DLGAP1: variants seen among roughly 807,000 people sequenced by gnomAD.
The protein encoded by DLGAP1 is disks large-associated protein 1.
A neutral mutation model predicts 90.8 loss-of-function variants in DLGAP1; 11 were observed. The observed-to-expected ratio is 0.12, with a 90% confidence interval of 0.08 to 0.20. The LOEUF is 0.20. Ranked by LOEUF, DLGAP1 falls within the 10% of genes least tolerant of loss-of-function variation. The pLI is 1.00. For synonymous variants in DLGAP1, 558 were observed against 540.7 expected, an observed-to-expected ratio of 1.03 and a Z score of -0.44; for missense variants, 1,050 against 1,333.8, an observed-to-expected ratio of 0.79 and a Z score of 3.31.
chr18:4,425,450 A>T (rs2083131847), intron 1 of DLGAP1, among the ~76,000 whole-genome samples: 1 of 152,170 alleles, frequency 6.6e-6, no homozygotes, highest in African/African-American at 2.4e-5. Context: ...AGTCATGATG[A>T]CAGGACACAC....
intron 1 of DLGAP1, among the ~76,000 whole-genome samples, chr18:4,180,887 A>T (rs2077196225): frequency 6.6e-6 from 1 of 152,188 alleles, no homozygotes; most frequent in South Asian, 2.1e-4. Flanking sequence ...TGACAACTAC[A>T]AGGGTGTCCA....
Position 3,958,872 on chromosome 18 carries a change from C to T in DLGAP1, c.-73+46244G>A, listed in dbSNP as rs1480420131. Reference sequence around the variant, plus strand: ...TTCCCAAGCAAGTCCTGTGCTTTGACATTTGATGCATTTCTGAAGTGGACT... The same window carrying T: ...TTCCCAAGCAAGTCCTGTGCTTTGATATTTGATGCATTTCTGAAGTGGACT... On this transcript the variant is annotated intron_variant, in intron 3 of 12. Transcript: ENST00000315677. Among the ~76,000 whole-genome samples the T allele has an allele frequency of 2.0e-5, 3 of 152,308 alleles. No individual in the cohort carries two copies. In the East Asian group the frequency reaches 5.8e-4, roughly 29 times the overall value.
At chr18:3,669,315 T>C (rs2059995155) in intron 7 of DLGAP1, among the ~76,000 whole-genome samples, 1 of 151,602 alleles carries the variant, frequency 6.6e-6, no homozygotes, top group Non-Finnish European at 1.5e-5. Context: ...GAGGGCGTGG[T>C]CCCTGGCTAG....
intron 1 of DLGAP1, among the ~76,000 whole-genome samples, chr18:4,189,906 G>A (rs1163355215): frequency 1.3e-5 from 2 of 152,036 alleles, no homozygotes; most frequent in Non-Finnish European, 2.9e-5. Flanking sequence ...TCTAGACACA[G>A]ACCTTAGAAG....
chr18:3,731,941 A>T (rs1598494419), intron 6 of DLGAP1, among the ~76,000 whole-genome samples: 1 of 152,154 alleles, frequency 6.6e-6, no homozygotes, highest in Non-Finnish European at 1.5e-5. Flanking sequence ...GTGCTTAACT[A>T]GTACCCTGAG....
intron 1 of DLGAP1, among the ~76,000 whole-genome samples, chr18:4,319,268 A>T (rs1362295935): frequency 6.6e-6 from 1 of 152,244 alleles, no homozygotes; most frequent in Non-Finnish European, 1.5e-5. Context: ...CACCTCTGGA[A>T]CAAAAGAACA....
chr18:4,235,407 T>C (rs2078387460), intron 1 of DLGAP1, among the ~76,000 whole-genome samples: 1 of 152,162 alleles, frequency 6.6e-6, no homozygotes, highest in African/African-American at 2.4e-5. Flanking sequence ...GAGAGTAACA[T>C]CATATGAACC....
chr18:4,330,279 T>G (rs1181990831), intron 1 of DLGAP1, among the ~76,000 whole-genome samples: 1 of 149,500 alleles, frequency 6.7e-6, no homozygotes, highest in African/African-American at 2.6e-5. Context: ...GGCTAAGGAT[T>G]TGTCAATTTT....
At chr18:4,355,558 T>A (rs1567856733) in intron 1 of DLGAP1, among the ~76,000 whole-genome samples, 1 of 152,022 alleles carries the variant, frequency 6.6e-6, no homozygotes. Context: ...CGTGATAAAA[T>A]TAAATGGAAC....
intron 3 of DLGAP1, among the ~76,000 whole-genome samples, chr18:3,897,818 C>A (rs528625639): frequency 7.9e-6 from 1 of 126,578 alleles, no homozygotes. Flanking sequence ...GACGGAGTCT[C>A]GCTCTGTCGC....
chr18:4,020,648 G>T (rs2074593898), intron 2 of DLGAP1, among the ~76,000 whole-genome samples: 2 of 152,158 alleles, frequency 1.3e-5, no homozygotes, highest in Admixed American at 1.3e-4. Flanking sequence ...AGCTGTCCTT[G>T]TTTATTCCTG....
chr18:4,106,717 T>C (rs1425465438), intron 2 of DLGAP1, among the ~76,000 whole-genome samples: 1 of 152,150 alleles, frequency 6.6e-6, no homozygotes, highest in East Asian at 1.9e-4. Flanking sequence ...TTCAGAAAAG[T>C]TGTACGTAGA....
intron 4 of DLGAP1, among the ~76,000 whole-genome samples, chr18:3,820,179 A>G (rs2067329518): frequency 1.3e-5 from 2 of 152,184 alleles, no homozygotes. Context: ...GTGTGGAGTA[A>G]TGAGAATGCG....
chr18:3,583,518 G>A (rs1341254951), intron 7 of DLGAP1, among the ~76,000 whole-genome samples: 1 of 152,152 alleles, frequency 6.6e-6, no homozygotes, highest in East Asian at 1.9e-4. Flanking sequence ...TACTCACTGA[G>A]AGTATTTACA....
At chr18:3,861,421 C>A (rs974991604) in intron 4 of DLGAP1, among the ~76,000 whole-genome samples, 2 of 151,868 alleles carry the variant, frequency 1.3e-5, no homozygotes, top group African/African-American at 4.8e-5. Flanking sequence ...TGTTAGTGAC[C>A]CCTTATTTCT....
chr18:3,968,831 C>G (rs2073385066), intron 3 of DLGAP1, among the ~76,000 whole-genome samples: 1 of 151,840 alleles, frequency 6.6e-6, no homozygotes. Context: ...CTTCCTTGTC[C>G]CTGCCCAGCT....
intron 5 of DLGAP1, among the ~76,000 whole-genome samples, chr18:3,797,391 A>T (rs1419354371): frequency 6.6e-6 from 1 of 151,972 alleles, no homozygotes; most frequent in Non-Finnish European, 1.5e-5. Flanking sequence ...CAAGACAGTG[A>T]GGAGGTGGCC....
At chr18:3,843,164 T>C (rs2148645408) in intron 4 of DLGAP1, among the ~76,000 whole-genome samples, 1 of 152,342 alleles carries the variant, frequency 6.6e-6, no homozygotes, top group Admixed American at 6.5e-5. Context: ...TCTCTAGATA[T>C]TCTCTATTAA....
intron 1 of DLGAP1, among the ~76,000 whole-genome samples, chr18:4,392,764 G>C (rs2082364999): frequency 6.6e-6 from 1 of 152,106 alleles, no homozygotes; most frequent in Non-Finnish European, 1.5e-5. Flanking sequence ...CAAACTGTCT[G>C]CTTGGCATTT....
Sources: allele counts gnomAD v4.1 joint callset (sites outside exome capture counted in the v4.1 genomes callset), GRCh38; gene constraint gnomAD v4.1.1; transcripts MANE v1.5; gene names NCBI Gene and HGNC (gene_info 2026-07-23, HGNC 2026-07-21).